Variants in CNN3 observed in about 807,000 individuals in gnomAD.
CNN3 encodes calponin 3, also known as calponin-3.
Under a neutral mutation model 39.0 loss-of-function variants are expected in CNN3, and 11 were observed. The observed-to-expected ratio is 0.28, with a 90% CI of 0.18 to 0.47. The LOEUF (loss-of-function observed/expected upper bound fraction) is 0.47. CNN3 is among the 20% of genes least tolerant of loss of function. CNN3 has a pLI of 0.99. For synonymous variants in CNN3, 101 were observed against 138.3 expected (o/e 0.73, Z 1.89); for missense variants, 266 against 403.4 (o/e 0.66, Z 2.92).
intron 1 of CNN3, among the ~76,000 whole-genome samples, chr1:94,917,825 A>G (rs150438547): frequency 6.6e-6 from 1 of 152,360 alleles, no homozygotes; most frequent in East Asian, 1.9e-4. Context: ...AACTGTTGGC[A>G]TAAAGAGAAG....
Position 94,903,492 on chromosome 1 carries a change from T to C in CNN3, c.90A>G (p.Glu30=), listed in dbSNP as rs1670920444. The C allele has an allele frequency of 1.2e-6, 2 of 1,614,006 alleles. No homozygotes were observed. The highest frequency in any genetic ancestry group is 1.3e-5 in the African/African-American group (1 of 75,050). ...CCTCTTCTATCCAATTGCGAAGATC[T>C]TCTTCTGCCTGATGATCATACTTGG... ...IASKYDHQAE[E]DLRNWIEEVT... Residue 30 remains glutamate, a synonymous_variant, in exon 2 of 7, where the codon GAA becomes GAG. Transcript: ENST00000370206.
intron 1 of CNN3, among the ~76,000 whole-genome samples, chr1:94,910,083 C>T (rs953759574): frequency 6.6e-6 from 1 of 152,190 alleles, no homozygotes; most frequent in Non-Finnish European, 1.5e-5. Flanking sequence ...CCAGTGATTA[C>T]AACAGTCTCC....
intron 1 of CNN3, among the ~76,000 whole-genome samples, chr1:94,906,212 A>AC (rs1670996733): frequency 6.6e-6 from 1 of 151,564 alleles, no homozygotes; most frequent in Non-Finnish European, 1.5e-5. Context: ...CGAACTCCTG[A>AC]CCTCAGGTGA....
chr1:94,915,527 A>G (rs1671259260), intron 1 of CNN3, among the ~76,000 whole-genome samples: 1 of 152,224 alleles, frequency 6.6e-6, no homozygotes, highest in Non-Finnish European at 1.5e-5. Flanking sequence ...ATCTGAGAGC[A>G]TGGATGAGGG....
chr1:94,897,371 T>TAAAAAAAAAAAAAAAAA lies in CNN3; in HGVS notation c.*354_*370dup, dbSNP rs56226800. On this transcript the variant is annotated 3_prime_UTR_variant, in exon 7 of 7. Coordinates refer to ENST00000370206, the MANE Select transcript of CNN3 (RefSeq NM_001839.5). ...TGTAGAAACCAGATACACTAAACTG[T>TAAAAAAAAAAAAAAAAA]AAAAAAAAAAAAAAAAAAAAAAAGT... 7.9e-6 allele frequency: 1 copy of TAAAAAAAAAAAAAAAAA among 126,690 alleles called. No homozygotes were observed. Among genetic ancestry groups the TAAAAAAAAAAAAAAAAA allele is most frequent in the Non-Finnish European group, 1.6e-5 (1 of 62,166 alleles). The allele number at this position is 126,690 out of a possible 1,614,324, so 7.8% of individuals were successfully genotyped here.
chr1:94,901,786 C>T lies in CNN3; in HGVS notation c.385-1G>A. On this transcript the variant is annotated splice_acceptor_variant, in intron 4 of 6. Coordinates refer to ENST00000370206, the MANE Select transcript of CNN3 (RefSeq NM_001839.5). LOFTEE classifies it high-confidence loss of function. Reference sequence around the variant, plus strand: ...TTGTATGGAATCCTTTTGTTTTAGCCTAGACAGAAACATGCACACTAACTG... The same window carrying T: ...TTGTATGGAATCCTTTTGTTTTAGCTTAGACAGAAACATGCACACTAACTG... 6.2e-7 allele frequency: 1 copy of T among 1,605,748 alleles called. No individual in the cohort carries two copies. The highest frequency in any genetic ancestry group is 8.5e-7 in the Non-Finnish European group (1 of 1,172,852).
chr1:94,918,500 A>T (rs1671350342), intron 1 of CNN3, among the ~76,000 whole-genome samples: 1 of 23,492 alleles, frequency 4.3e-5, no homozygotes, highest in African/African-American at 9.1e-5. Context: ...TCCCAAAAAA[A>T]ATAAAATAAA....
At chr1:94,900,553 A>C (rs914894353) in intron 5 of CNN3, among the ~76,000 whole-genome samples, 2 of 152,042 alleles carry the variant, frequency 1.3e-5, no homozygotes, top group African/African-American at 2.4e-5. Context: ...TGGAGTTGTA[A>C]TTCAACCAAC....
In CNN3 at chr1:94,926,480, T is replaced by A. The variant is rs1452819877; in HGVS notation, c.57+358A>T. Among the ~76,000 whole-genome samples, 1 of 151,298 alleles carries A rather than the reference T, an allele frequency of 6.6e-6. No individual in the cohort carries two copies. Among genetic ancestry groups the A allele is most frequent in the Non-Finnish European group, 1.5e-5 (1 of 67,840 alleles). On this transcript the variant is annotated intron_variant, in intron 1 of 6. Coordinates refer to ENST00000370206, the MANE Select transcript of CNN3 (RefSeq NM_001839.5). The surrounding 1 kb of genome is among the most constrained non-coding windows in gnomAD (Gnocchi z 4.2). The stretch of plus-strand genomic sequence containing the variant: ...CAGACGGGCTCCGCCTAAGGGCGAG[T>A]GGCCACGCAGGAGCGCCCCCTTCCC...
chr1:94,902,910 T>C (rs1670905198), intron 3 of CNN3, among the ~76,000 whole-genome samples: 1 of 151,672 alleles, frequency 6.6e-6, no homozygotes, highest in East Asian at 1.9e-4. Flanking sequence ...ACGTAATAAT[T>C]ACAGAACTAG....
chr1:94,916,398 G>T (rs977138842), intron 1 of CNN3, among the ~76,000 whole-genome samples: 1 of 152,030 alleles, frequency 6.6e-6, no homozygotes, highest in Non-Finnish European at 1.5e-5. Flanking sequence ...AACAGGGGAG[G>T]GGGATTGCAG....
At chr1:94,898,720 T>C (rs558578678) in intron 6 of CNN3, among the ~76,000 whole-genome samples, 2 of 152,320 alleles carry the variant, frequency 1.3e-5, no homozygotes, top group East Asian at 3.9e-4. Flanking sequence ...GAGTGGCAGC[T>C]ATGAGAGACA....
intron 5 of CNN3, among the ~76,000 whole-genome samples, chr1:94,901,405 A>ATT (rs1670864666): frequency 6.6e-6 from 1 of 151,688 alleles, no homozygotes. Context: ...TCTTTTTTAA[A>ATT]AAAAAAAAAA....
intron 1 of CNN3, among the ~76,000 whole-genome samples, chr1:94,911,290 G>A (rs2101729669): frequency 6.6e-6 from 1 of 152,164 alleles, no homozygotes; most frequent in Middle Eastern, 3.4e-3. Flanking sequence ...CTCGCCTCAG[G>A]TAAACAGAAG....
chr1:94,904,439 G>A (rs954014921), intron 1 of CNN3, among the ~76,000 whole-genome samples: 1 of 152,076 alleles, frequency 6.6e-6, no homozygotes, highest in African/African-American at 2.4e-5. Flanking sequence ...AAAGTGGCTG[G>A]TCAATCAGGG....
Position 94,897,770 on chromosome 1 carries a change from TGGTAATCTCTGG to T in CNN3, c.950_961del (p.Pro317_Tyr320del). 6.2e-7 allele frequency: 1 copy of T among 1,614,080 alleles called. No homozygotes were observed. The highest frequency in any genetic ancestry group is 1.1e-5 in the South Asian group (1 of 91,076). On this transcript the variant is annotated inframe_deletion, in exon 7 of 7. Transcript: ENST00000370206. Reference sequence around the variant, plus strand: ...ATAATCAATGCCTTGGTCGCTATATTGGTAATCTCTGGGGTAGTCATCCTGGTACTCGCCATG... The same window carrying T: ...ATAATCAATGCCTTGGTCGCTATATTGGTAGTCATCCTGGTACTCGCCATG...
Position 94,926,308 on chromosome 1 carries a change from G to A in CNN3, c.57+530C>T, listed in dbSNP as rs527416471. Among the ~76,000 whole-genome samples the A allele has an allele frequency of 7.4e-4, 113 of 152,262 alleles. No individual in the cohort carries two copies. Among genetic ancestry groups the A allele is most frequent in the Non-Finnish European group, 1.2e-3 (80 of 68,022 alleles). On this transcript the variant is annotated intron_variant, in intron 1 of 6. Transcript: ENST00000370206. The surrounding 1 kb of genome is among the most constrained non-coding windows in gnomAD (Gnocchi z 4.2). ...GAGATCGGAGACTGTGATGGGTCCC[G>A]GACCGGCTTCCGTTCCTCGGGGCCC...
intron 1 of CNN3, among the ~76,000 whole-genome samples, chr1:94,918,493 C>CA (rs1491362733): frequency 0.025 from 731 of 29,538 alleles, 35 homozygotes; most frequent in Admixed American, 0.048. Context: ...GACTGTCTCC[C>CA]AAAAAAAATA....
Position 94,899,506 on chromosome 1 carries a change from G to C in CNN3, c.513C>G (p.Asn171Lys). Residue 171 changes from asparagine (N) to lysine (K), a missense_variant, in exon 6 of 7, where the codon AAC becomes AAG. Asn to Lys is a moderately conservative substitution (Grantham distance 94). Coordinates refer to ENST00000370206, the MANE Select transcript of CNN3 (RefSeq NM_001839.5). ...QSVIGLQMGT[N>K]KCASQAGMTA... is the part of the protein sequence containing the mutation. The stretch of plus-strand genomic sequence containing the variant: ...TCATACCTGCCTGGCTGGCACATTT[G>C]TTGGTTCCCATCTTTTAAGTTAAAA... 6.2e-7 allele frequency: 1 copy of C among 1,611,530 alleles called. No individual in the cohort carries two copies.
Sources: gnomAD v4.1 joint callset for allele counts (sites outside exome capture counted in the v4.1 genomes callset) on GRCh38, gnomAD v4.1.1 for gene constraint, Gnocchi (gnomAD v3.1) non-coding constraint, MANE v1.5 for transcripts, NCBI Gene and HGNC (gene_info 2026-07-23, HGNC 2026-07-21) for gene names.